Variants in INPP4B observed in about 807,000 individuals in gnomAD.
INPP4B encodes inositol polyphosphate 4-phosphatase type II.
INPP4B carries 55 observed loss-of-function variants against 122.5 expected under a neutral mutation model. That is an observed-to-expected ratio of 0.45 (90% CI 0.36 to 0.56). The LOEUF (loss-of-function observed/expected upper bound fraction) is 0.56, where lower values mean the gene tolerates loss of function less well. Ranked by LOEUF, INPP4B falls within the 20% of genes least tolerant of loss-of-function variation. INPP4B has a pLI of 0.00. For synonymous variants in INPP4B, 403 were observed against 388.7 expected (o/e 1.04, Z -0.43); for missense variants, 1,000 against 1,097.7 (o/e 0.91, Z 1.26).
At chr4:142,161,613 C>A (rs1455489842) in intron 16 of INPP4B, among the ~76,000 whole-genome samples, 1 of 151,838 alleles carries the variant, frequency 6.6e-6, no homozygotes, top group Non-Finnish European at 1.5e-5. Flanking sequence ...TCTCAATATG[C>A]GGTCAACAGT....
chr4:142,289,416 G>A (rs964528029), intron 9 of INPP4B, among the ~76,000 whole-genome samples: 17 of 152,080 alleles, frequency 1.1e-4, no homozygotes, highest in Admixed American at 3.3e-4. Context: ...TGTGCAGGAC[G>A]TGAAGGTTTG....
intron 25 of INPP4B, among the ~76,000 whole-genome samples, chr4:142,062,311 A>G (rs1240945310): frequency 1.3e-5 from 2 of 152,016 alleles, no homozygotes; most frequent in Non-Finnish European, 2.9e-5. Context: ...ACACCATCAC[A>G]CCATCATACC....
intron 24 of INPP4B, among the ~76,000 whole-genome samples, chr4:142,083,706 A>C (rs4956316): frequency 0.011 from 1,645 of 152,274 alleles, 19 homozygotes; most frequent in African/African-American, 0.033. Flanking sequence ...TTCTATTTCC[A>C]ATATAAGTGA....
chr4:142,806,806 A>G (rs538328338), intron 1 of INPP4B, among the ~76,000 whole-genome samples: 4 of 148,196 alleles, frequency 2.7e-5, no homozygotes, highest in East Asian at 3.9e-4. Flanking sequence ...AAAGAAAGAA[A>G]GAAAGAAAGA....
chr4:142,230,280 G>C lies in INPP4B; in HGVS notation c.836+7584C>G, dbSNP rs138038505. 3.5e-4 allele frequency among the ~76,000 whole-genome samples: 54 copies of C among 152,256 alleles called. 2 individuals carry two copies. Among genetic ancestry groups the C allele is most frequent in the African/African-American group, 1.2e-3 (49 of 41,526 alleles). On this transcript the variant is annotated intron_variant, in intron 12 of 25. Transcript: ENST00000262992. ...GCAGGAAAAATTAAGGATGATAACA[G>C]AGAGTGATGGTCACAGGAAACAAAC... is the stretch of plus-strand genomic sequence containing the variant.
At chr4:142,750,973 T>C (rs923447504) in intron 1 of INPP4B, among the ~76,000 whole-genome samples, 8 of 151,966 alleles carry the variant, frequency 5.3e-5, no homozygotes, top group African/African-American at 1.9e-4. Flanking sequence ...TCTCAAAAAG[T>C]AGAAGAGTTA....
chr4:142,334,407 A>G (rs1394504937), intron 7 of INPP4B, among the ~76,000 whole-genome samples: 2 of 152,196 alleles, frequency 1.3e-5, no homozygotes, highest in Admixed American at 6.5e-5. Flanking sequence ...TAATGCTGCA[A>G]TGAACATGGG....
chr4:142,397,671 C>G (rs1366234548), intron 7 of INPP4B, among the ~76,000 whole-genome samples: 1 of 151,590 alleles, frequency 6.6e-6, no homozygotes, highest in African/African-American at 2.4e-5. Flanking sequence ...ACCCCCGTCT[C>G]TACTAAAATA....
chr4:142,294,060 C>T (rs190721775), intron 9 of INPP4B, among the ~76,000 whole-genome samples: 150 of 152,118 alleles, frequency 9.9e-4, no homozygotes, highest in African/African-American at 3.5e-3. Flanking sequence ...GAAGAGGGGG[C>T]GGTGAGGGAT....
At chr4:142,679,460 T>C (rs994937417) in intron 2 of INPP4B, among the ~76,000 whole-genome samples, 7 of 151,930 alleles carry the variant, frequency 4.6e-5, no homozygotes, top group African/African-American at 1.4e-4. Flanking sequence ...TAATGTTTAA[T>C]TTATGGCACT....
chr4:142,258,406 G>C (rs1246031310), intron 11 of INPP4B, among the ~76,000 whole-genome samples: 3 of 151,838 alleles, frequency 2.0e-5, no homozygotes, highest in Admixed American at 6.6e-5. Context: ...TACCATCAGA[G>C]TGAACAGGCA....
At chr4:142,452,217 A>G (rs540447319) in intron 3 of INPP4B, among the ~76,000 whole-genome samples, 1 of 152,254 alleles carries the variant, frequency 6.6e-6, no homozygotes, top group Non-Finnish European at 1.5e-5. Flanking sequence ...TCCATGTTCC[A>G]GCAAAGGACA....
At position 142,176,927 on chromosome 4, in the gene INPP4B, C is replaced by T. The variant is rs560391326; in HGVS notation, c.1182-3118G>A. On this transcript the variant is annotated intron_variant, in intron 15 of 25. Transcript: ENST00000262992. The stretch of plus-strand genomic sequence containing the variant: ...CCTTTTACAAGGCTAATTTTACAAC[C>T]CATCTTATTCACAAAAGTTGCTTTG... 1.4e-4 allele frequency among the ~76,000 whole-genome samples: 22 copies of T among 152,238 alleles called. No individual in the cohort carries two copies. In the South Asian group the frequency reaches 4.1e-3, roughly 29 times the overall value.
chr4:142,092,306 TTTGAGACAGAGTC>T (rs1255741494), intron 23 of INPP4B, among the ~76,000 whole-genome samples: 5 of 152,196 alleles, frequency 3.3e-5, no homozygotes, highest in African/African-American at 1.2e-4. Context: ...GCTTTTGTTT[TTTGAGACAGAGTC>T]TTACTTTATC....
chr4:142,764,184 A>G (rs1352314236), intron 1 of INPP4B, among the ~76,000 whole-genome samples: 1 of 152,162 alleles, frequency 6.6e-6, no homozygotes, highest in African/African-American at 2.4e-5. Flanking sequence ...TATATAATTT[A>G]CATCTGAAAT....
intron 2 of INPP4B, among the ~76,000 whole-genome samples, chr4:142,703,993 A>C (rs1200207965): frequency 6.6e-6 from 1 of 152,136 alleles, no homozygotes; most frequent in Admixed American, 6.5e-5. Flanking sequence ...TAGAAGCAAA[A>C]TGGGGTGGTA....
rs559003232 is a variant in INPP4B at position 142,187,058 on chromosome 4, G to A, written c.1181+6029C>T. ...AAATATGAACAGTTAAGAGCTGAGA[G>A]TAGCCAACAAGGAACTAACTCACAG... is the stretch of plus-strand genomic sequence containing the variant. On this transcript the variant is annotated intron_variant, in intron 15 of 25. Coordinates refer to ENST00000262992, the MANE Select transcript of INPP4B (RefSeq NM_001101669.3). Among the ~76,000 whole-genome samples the A allele has an allele frequency of 5.4e-5, 8 of 147,904 alleles. No individual in the cohort carries two copies. In the East Asian group the frequency reaches 1.6e-3, roughly 30 times the overall value.
At chr4:142,689,456 A>G (rs1487530606) in intron 2 of INPP4B, among the ~76,000 whole-genome samples, 2 of 152,198 alleles carry the variant, frequency 1.3e-5, no homozygotes, top group African/African-American at 2.4e-5. Context: ...TGAAATTGCA[A>G]TCTGTTACTT....
chr4:142,187,511 T>G (rs1833674428), intron 15 of INPP4B, among the ~76,000 whole-genome samples: 1 of 151,992 alleles, frequency 6.6e-6, no homozygotes, highest in Non-Finnish European at 1.5e-5. Context: ...TGTGTGTGTG[T>G]CTGTGTGTGT....
Sources: gnomAD v4.1 joint callset for allele counts (sites outside exome capture counted in the v4.1 genomes callset) on GRCh38, gnomAD v4.1.1 for gene constraint, MANE v1.5 for transcripts, NCBI Gene and HGNC (gene_info 2026-07-23, HGNC 2026-07-21) for gene names.